Variants in NR3C2 observed in about 807,000 individuals in gnomAD.
The protein encoded by NR3C2 is nuclear receptor subfamily 3 group C member 2, also known as mineralocorticoid receptor.
A neutral mutation model predicts 86.4 loss-of-function variants in NR3C2; 15 were observed. That is an observed-to-expected ratio of 0.17 (90% CI 0.12 to 0.27). NR3C2 has a LOEUF of 0.27. Ranked by LOEUF, NR3C2 falls within the 10% of genes least tolerant of loss-of-function variation. The pLI is 1.00. For missense variants in NR3C2, 960 were observed against 1,195.6 expected, an observed-to-expected ratio of 0.80 and a Z score of 2.91; for synonymous variants, 458 against 450.5, an observed-to-expected ratio of 1.02 and a Z score of -0.21.
intron 8 of NR3C2, among the ~76,000 whole-genome samples, chr4:148,092,306 A>AGG (rs1731095296): frequency 6.6e-6 from 1 of 151,980 alleles, no homozygotes; most frequent in South Asian, 2.1e-4. Flanking sequence ...TTTCTCTTTA[A>AGG]CCTGCTGTCC....
At chr4:148,102,081 T>C (rs1490778299) in intron 8 of NR3C2, among the ~76,000 whole-genome samples, 3 of 152,212 alleles carry the variant, frequency 2.0e-5, no homozygotes, top group Non-Finnish European at 2.9e-5. Flanking sequence ...AGGCCCCTCG[T>C]TGGCAAAATG....
At chr4:148,121,984 T>C (rs1026065677) in intron 6 of NR3C2, among the ~76,000 whole-genome samples, 1 of 108,878 alleles carries the variant, frequency 9.2e-6, no homozygotes, top group South Asian at 2.9e-4. Flanking sequence ...TTCTGAGTCA[T>C]AGATTTGCAC....
chr4:148,136,386 C>G (rs1000805135), intron 6 of NR3C2, among the ~76,000 whole-genome samples: 1 of 151,876 alleles, frequency 6.6e-6, no homozygotes, highest in Non-Finnish European at 1.5e-5. Flanking sequence ...GGTGAGGGAA[C>G]AAAAGGAGAG....
intron 2 of NR3C2, among the ~76,000 whole-genome samples, chr4:148,290,612 C>G (rs1344492050): frequency 6.6e-6 from 1 of 152,190 alleles, no homozygotes; most frequent in Admixed American, 6.5e-5. Flanking sequence ...TGAATTTACA[C>G]ACAACAACTC....
intron 3 of NR3C2, among the ~76,000 whole-genome samples, chr4:148,250,291 G>A (rs142201830): frequency 2.0e-5 from 3 of 152,132 alleles, no homozygotes; most frequent in Non-Finnish European, 2.9e-5. Context: ...CAGGGGCCTT[G>A]AAAGACTGAC....
At chr4:148,183,012 C>T (rs1271180294) in intron 4 of NR3C2, among the ~76,000 whole-genome samples, 1 of 152,156 alleles carries the variant, frequency 6.6e-6, no homozygotes, top group Non-Finnish European at 1.5e-5. Flanking sequence ...TGATGTTCCC[C>T]ACCCTATGTC....
intron 2 of NR3C2, among the ~76,000 whole-genome samples, chr4:148,262,178 G>A (rs1003394571): frequency 3.9e-5 from 6 of 152,166 alleles, no homozygotes; most frequent in Non-Finnish European, 7.4e-5. Context: ...TCATGAAAAT[G>A]TAATTGCTTT....
At chr4:148,269,105 G>A (rs17620822) in intron 2 of NR3C2, among the ~76,000 whole-genome samples, 26,769 of 152,116 alleles carry the variant, frequency 0.18, 3,027 homozygotes, top group East Asian at 0.47. Context: ...AAGCTGAAGT[G>A]AAGGGTAGAG....
chr4:148,268,490 A>G (rs1006355299), intron 2 of NR3C2, among the ~76,000 whole-genome samples: 5 of 152,218 alleles, frequency 3.3e-5, no homozygotes, highest in Non-Finnish European at 7.3e-5. Flanking sequence ...GAATAAAGTT[A>G]CTGCTAAACT....
At chr4:148,347,949 T>A (rs1404744537) in intron 2 of NR3C2, among the ~76,000 whole-genome samples, 1 of 152,128 alleles carries the variant, frequency 6.6e-6, no homozygotes, top group Non-Finnish European at 1.5e-5. Context: ...CCTGTTTGCC[T>A]ATTTTACAGA....
chr4:148,383,955 A>G (rs1449723908), intron 2 of NR3C2, among the ~76,000 whole-genome samples: 1 of 150,790 alleles, frequency 6.6e-6, no homozygotes, highest in African/African-American at 2.4e-5. Context: ...CTCAGGGGAA[A>G]AAAAAAAAAA....
intron 2 of NR3C2, among the ~76,000 whole-genome samples, chr4:148,405,252 C>T (rs958485654): frequency 6.6e-6 from 1 of 152,188 alleles, no homozygotes; most frequent in Admixed American, 6.5e-5. Context: ...TGGACATAGC[C>T]ATAACCCTTT....
At chr4:148,375,463 G>GAA (rs76084170) in intron 2 of NR3C2, among the ~76,000 whole-genome samples, 2 of 116,630 alleles carry the variant, frequency 1.7e-5, no homozygotes, top group Non-Finnish European at 1.8e-5. Flanking sequence ...CTCAAAGAAA[G>GAA]AAAAAAAAAA....
intron 2 of NR3C2, among the ~76,000 whole-genome samples, chr4:148,360,931 G>C (rs1025635466): frequency 2.6e-5 from 4 of 152,068 alleles, no homozygotes; most frequent in African/African-American, 9.7e-5. Context: ...TGTATGACTG[G>C]CCACAGCTGT....
At chr4:148,257,485 T>C (rs967643504) in intron 3 of NR3C2, among the ~76,000 whole-genome samples, 4 of 152,180 alleles carry the variant, frequency 2.6e-5, no homozygotes, top group African/African-American at 9.6e-5. Context: ...TGGAGTCCTA[T>C]GACTTGAGTA....
intron 2 of NR3C2, among the ~76,000 whole-genome samples, chr4:148,387,300 A>C (rs1046717075): frequency 4.1e-4 from 63 of 152,320 alleles, no homozygotes; most frequent in African/African-American, 1.5e-3. Context: ...ACCAAAAAGA[A>C]GGCTGAACAG....
chr4:148,086,577 A>AAAAT (rs771424561), intron 8 of NR3C2, among the ~76,000 whole-genome samples: 4 of 152,140 alleles, frequency 2.6e-5, no homozygotes, highest in African/African-American at 9.7e-5. Flanking sequence ...TCCACTTAAA[A>AAAAT]AAATAAATAA....
In NR3C2 at chr4:148,141,448, A is replaced by T. The variant is rs10434126; in HGVS notation, c.2510+11021T>A. On this transcript the variant is annotated intron_variant, in intron 6 of 8. Coordinates refer to ENST00000358102, the MANE Select transcript of NR3C2 (RefSeq NM_000901.5). ...CTCTCTCTCTCTCTCCCTCTCTCTC[A>T]CACACACACACACACACACGTATTT... 6.5e-3 allele frequency among the ~76,000 whole-genome samples: 975 copies of T among 150,122 alleles called. 2 individuals are homozygous for T. The highest frequency in any genetic ancestry group is 0.027 in the Middle Eastern group (8 of 294).
intron 2 of NR3C2, among the ~76,000 whole-genome samples, chr4:148,373,934 C>A (rs1561071163): frequency 1.3e-5 from 2 of 152,106 alleles, no homozygotes; most frequent in African/African-American, 4.8e-5. Context: ...GGTGAGTTAT[C>A]CTAGGAATGA....
Sources: gnomAD v4.1 joint callset for allele counts (sites outside exome capture counted in the v4.1 genomes callset) on GRCh38, gnomAD v4.1.1 for gene constraint, MANE v1.5 for transcripts, NCBI Gene and HGNC (gene_info 2026-07-23, HGNC 2026-07-21) for gene names.